Variants in DGCR8 observed in about 807,000 individuals in gnomAD.
DGCR8 encodes the protein microprocessor complex subunit DGCR8.
A neutral mutation model predicts 78.5 loss-of-function variants in DGCR8; 14 were observed. The ratio of observed to expected loss-of-function variants is 0.18; its 90% CI spans 0.12 to 0.28. DGCR8 has a LOEUF of 0.28. Ranked by LOEUF, DGCR8 falls within the 10% of genes least tolerant of loss-of-function variation. DGCR8 has a pLI of 1.00. For missense variants in DGCR8, 702 were observed against 1,022.5 expected (o/e 0.69, Z 4.28); for synonymous variants, 399 against 402.4 (o/e 0.99, Z 0.10).
In DGCR8 at chr22:20,090,265, T is replaced by G; in HGVS notation, c.1306+7T>G. The G allele has an allele frequency of 6.3e-7, 1 of 1,584,934 alleles. No homozygotes were observed. Among genetic ancestry groups the G allele is most frequent in the Non-Finnish European group, 8.6e-7 (1 of 1,169,296 alleles). Reference sequence around the variant, plus strand: ...TGCAAAGATGAATCCGTTGGTGAGTTTTTGAAGGACTCTTCCCTTCTTGCC... The same window carrying G: ...TGCAAAGATGAATCCGTTGGTGAGTGTTTGAAGGACTCTTCCCTTCTTGCC... On this transcript the variant is annotated splice_region_variant and intron_variant, in intron 5 of 13. Coordinates refer to ENST00000351989, the MANE Select transcript of DGCR8 (RefSeq NM_022720.7).
At chr22:20,104,182 G>A (rs573057955) in intron 9 of DGCR8, among the ~76,000 whole-genome samples, 94 of 150,172 alleles carry the variant, frequency 6.3e-4, no homozygotes, top group African/African-American at 2.3e-3. Flanking sequence ...TTTTGAGACG[G>A]AGTCTCGCTC....
chr22:20,091,179 T>C (rs536247804), intron 5 of DGCR8, among the ~76,000 whole-genome samples: 3 of 152,372 alleles, frequency 2.0e-5, no homozygotes, highest in South Asian at 4.1e-4. Flanking sequence ...AGCTGTCTTT[T>C]TTCCTTTTCA....
chr22:20,101,365 A>G (rs1448238007), intron 9 of DGCR8: 1 of 844,566 alleles, frequency 1.2e-6, no homozygotes, highest in Non-Finnish European at 1.4e-6. Context: ...TTACGAGGTA[A>G]GGACATCGAG....
chr22:20,080,317 C>T lies in DGCR8; in HGVS notation c.-344C>T, dbSNP rs1414063932. ...AGGCTTTCCAGATGGCTGCGGCGGT[C>T]GGTCGGTGAGGCTTTCCCGGCTGTG... On this transcript the variant is annotated 5_prime_UTR_variant, in exon 1 of 14. Coordinates refer to ENST00000351989, the MANE Select transcript of DGCR8 (RefSeq NM_022720.7). 316 of 980,774 alleles carry T rather than the reference C, an allele frequency of 3.2e-4. No homozygotes were observed. The highest frequency in any genetic ancestry group is 3.6e-4 in the Non-Finnish European group (302 of 828,178). 60.8% of individuals were successfully genotyped at this position (980,774 alleles called of 1,614,324 possible). A position where few individuals can be genotyped will look rare whatever the true frequency, so the allele number is the denominator to read the frequency against.
chr22:20,108,707 G>T, intron 12 of DGCR8, 183 bp from the exon 13 acceptor site: 1 of 471,354 alleles, frequency 2.1e-6, no homozygotes, highest in Non-Finnish European at 4.0e-6. Context: ...CTGTCAGTGG[G>T]CCTGGCATCA....
In DGCR8 at chr22:20,110,517, C is replaced by T; in HGVS notation, c.*409C>T. ...GGGGATGGCTGAGTCCTGTGGCTGG[C>T]CCGTGATGCCAGGTGGCCCATGTGC... On this transcript the variant is annotated 3_prime_UTR_variant, in exon 14 of 14. Coordinates refer to ENST00000351989, the MANE Select transcript of DGCR8 (RefSeq NM_022720.7). The T allele has an allele frequency of 6.0e-6, 1 of 166,724 alleles. No individual in the cohort carries two copies. The highest frequency in any genetic ancestry group is 1.3e-5 in the Non-Finnish European group (1 of 77,730). 10.3% of individuals were successfully genotyped at this position (166,724 alleles called of 1,614,324 possible).
Position 20,110,153 on chromosome 22 carries a change from CTGAGGAGACCAGCAGTCATGCA to C in DGCR8, c.*47_*68del. The C allele has an allele frequency of 6.3e-7, 1 of 1,575,706 alleles. No homozygotes were observed. The highest frequency in any genetic ancestry group is 8.6e-7 in the Non-Finnish European group (1 of 1,158,060). Reference sequence around the variant, plus strand: ...GGCGCGGGGGCCGCCAGCCGCACTTCTGAGGAGACCAGCAGTCATGCATCGTGCACCACAGTGTCAGGCCTCC... The same window carrying C: ...GGCGCGGGGGCCGCCAGCCGCACTTCTCGTGCACCACAGTGTCAGGCCTCC... On this transcript the variant is annotated 3_prime_UTR_variant, in exon 14 of 14. Transcript: ENST00000351989.
At chr22:20,095,401 C>T (rs967342900) in intron 9 of DGCR8, among the ~76,000 whole-genome samples, 4 of 152,108 alleles carry the variant, frequency 2.6e-5, no homozygotes, top group African/African-American at 7.2e-5. Flanking sequence ...CCACTGCGCC[C>T]GGCCCTAGAT....
At chr22:20,099,030 G>T (rs186005049) in intron 9 of DGCR8, among the ~76,000 whole-genome samples, 2 of 152,300 alleles carry the variant, frequency 1.3e-5, no homozygotes, top group Admixed American at 1.3e-4. Context: ...GTCTCCTGAT[G>T]CTTGGACAGG....
chr22:20,086,215 C>T lies in DGCR8; in HGVS notation c.252C>T (p.Arg84=). 2 of 1,614,186 alleles carry T rather than the reference C, an allele frequency of 1.2e-6. No homozygotes were observed. The highest frequency in any genetic ancestry group is 1.7e-6 in the Non-Finnish European group (2 of 1,180,044). Reference sequence around the variant, plus strand: ...CCAAAGGATCCTTCTCTAAGGGCCGCCTCCTCATAGACCCGAACTGTAGTG... The same window carrying T: ...CCAAAGGATCCTTCTCTAAGGGCCGTCTCCTCATAGACCCGAACTGTAGTG... The part of the protein sequence containing the change: ...LLSKGSFSKG[R]LLIDPNCSGH... The change falls in exon 2 of 14, where the codon CGC becomes CGT. Residue 84 remains arginine (R), a synonymous_variant. Transcript: ENST00000351989. The surrounding 1 kb of genome is among the most constrained non-coding windows in gnomAD (Gnocchi z 6.4).
chr22:20,091,268 T>C (rs1329463092), intron 5 of DGCR8, among the ~76,000 whole-genome samples, 167 bp from the exon 6 acceptor site: 4 of 152,250 alleles, frequency 2.6e-5, no homozygotes, highest in African/African-American at 9.6e-5. Flanking sequence ...CAGAATAATC[T>C]GAGCTGGTGT....
chr22:20,101,333 T>C lies in DGCR8; in HGVS notation c.1789-4844T>C, dbSNP rs572111600. On this transcript the variant is annotated intron_variant, in intron 9 of 13. Coordinates refer to ENST00000351989, the MANE Select transcript of DGCR8 (RefSeq NM_022720.7). The stretch of plus-strand genomic sequence containing the variant: ...GGCTCACGCCTGTAATCCCAGCACT[T>C]TGGGAGGCCGAGGCGGGCAGATTAC... 2.9e-5 allele frequency: 28 copies of C among 960,936 alleles called. No individual in the cohort carries two copies. The Admixed American group carries it at 9.9e-4, about 34-fold the overall frequency. The allele number at this position is 960,936 out of a possible 1,614,324, so 59.5% of individuals were successfully genotyped here.
rs1380335341 is a variant in DGCR8 at position 20,109,161 on chromosome 22, CAT to C, written c.2238+159_2238+160del. 14 of 548,250 alleles carry C rather than the reference CAT, an allele frequency of 2.6e-5. 1 individual carries two copies. In the Middle Eastern group the frequency reaches 1.5e-3, roughly 59 times the overall value. 34.0% of individuals were successfully genotyped at this position (548,250 alleles called of 1,614,324 possible). A position where few individuals can be genotyped will look rare whatever the true frequency, so the allele number is the denominator to read the frequency against. ...ATACAGGCTTTTCTTTGAGCTTCGA[CAT>C]GTGTGATAGTTTTATAAATCACTTC... On this transcript the variant is annotated intron_variant, in intron 13 of 13. Coordinates refer to ENST00000351989, the MANE Select transcript of DGCR8 (RefSeq NM_022720.7).
chr22:20,106,530 C>T, intron 10 of DGCR8, 62 bp from the exon 11 acceptor site: 1 of 1,276,494 alleles, frequency 7.8e-7, no homozygotes, highest in Non-Finnish European at 1.1e-6. Flanking sequence ...GAGCAGGCCT[C>T]CTCAGAGGCA....
At position 20,085,617 on chromosome 22, in the gene DGCR8, T is replaced by C. The variant is rs146945266; in HGVS notation, c.-277-70T>C. On this transcript the variant is annotated intron_variant, in intron 1 of 13. Coordinates refer to ENST00000351989, the MANE Select transcript of DGCR8 (RefSeq NM_022720.7). This position sits in a 1 kb window ranked among gnomAD's most constrained non-coding sequence, Gnocchi z 6.2. ...TACTATGCTGTTAATAGTGCTTGGC[T>C]TTTAACTTGGTACCAGGGAATTGGA... 93 of 1,242,218 alleles carry C rather than the reference T, an allele frequency of 7.5e-5. No homozygotes were observed. The African/African-American group carries it at 1.4e-3, about 18-fold the overall frequency. The allele number at this position is 1,242,218 out of a possible 1,614,324, so 76.9% of individuals were successfully genotyped here. A position where few individuals can be genotyped will look rare whatever the true frequency, so the allele number is the denominator to read the frequency against.
At position 20,111,363 on chromosome 22, in the gene DGCR8, GC is replaced by G. The variant is rs2049841380; in HGVS notation, c.*1256del. The G allele has an allele frequency of 1.1e-5, 4 of 378,544 alleles. No homozygotes were observed. The highest frequency in any genetic ancestry group is 4.3e-5 in the African/African-American group (2 of 46,538). 23.4% of individuals were successfully genotyped at this position (378,544 alleles called of 1,614,324 possible). A position where few individuals can be genotyped will look rare whatever the true frequency, so the allele number is the denominator to read the frequency against. Reference sequence around the variant, plus strand: ...GCCCCCTACAGGCGGTACTGATGGCGCTTTTTTTTTTTTTTCTGTCAGGAAA... The same window carrying G: ...GCCCCCTACAGGCGGTACTGATGGCGTTTTTTTTTTTTTTCTGTCAGGAAA... On this transcript the variant is annotated 3_prime_UTR_variant, in exon 14 of 14. Transcript: ENST00000351989.
intron 8 of DGCR8, among the ~76,000 whole-genome samples, chr22:20,093,185 C>T (rs939510085): frequency 1.3e-5 from 2 of 151,954 alleles, no homozygotes; most frequent in Non-Finnish European, 2.9e-5. Context: ...GTGGGCAGAT[C>T]ACGAGGTCAG....
Position 20,080,338 on chromosome 22 carries a change from C to CCGG in DGCR8, c.-323_-322insCGG. The CCGG allele has an allele frequency of 1.0e-6, 1 of 980,912 alleles. No individual in the cohort carries two copies. The highest frequency in any genetic ancestry group is 1.2e-6 in the Non-Finnish European group (1 of 828,188). 60.8% of individuals were successfully genotyped at this position (980,912 alleles called of 1,614,324 possible). A position where few individuals can be genotyped will look rare whatever the true frequency, so the allele number is the denominator to read the frequency against. ...CGGTCGGTCGGTGAGGCTTTCCCGGCTGTGGTTTGGCTGCGGGCGGCTTGG... is the reference window on the plus strand; with the variant it reads ...CGGTCGGTCGGTGAGGCTTTCCCGGCCGGTGTGGTTTGGCTGCGGGCGGCTTGG... On this transcript the variant is annotated 5_prime_UTR_variant, in exon 1 of 14. Coordinates refer to ENST00000351989, the MANE Select transcript of DGCR8 (RefSeq NM_022720.7).
At chr22:20,092,764 A>G in intron 7 of DGCR8, 45 bp from the exon 8 acceptor site, 1 of 1,542,234 alleles carries the variant, frequency 6.5e-7, no homozygotes, top group Non-Finnish European at 8.9e-7. Context: ...CACGCTTTTG[A>G]TGTCTTGACT....
Sources: allele counts gnomAD v4.1 joint callset (sites outside exome capture counted in the v4.1 genomes callset), GRCh38; gene constraint gnomAD v4.1.1; non-coding constraint Gnocchi (gnomAD v3.1); transcripts MANE v1.5; gene names NCBI Gene and HGNC (gene_info 2026-07-23, HGNC 2026-07-21).